Variants in NRP2 observed in about 807,000 individuals in gnomAD.
NRP2 encodes the protein neuropilin 2, also known as neuropilin-2.
A neutral mutation model predicts 110.4 loss-of-function variants in NRP2; 52 were observed. The observed-to-expected ratio is 0.47, with a 90% CI of 0.38 to 0.59. NRP2 has a LOEUF of 0.59. NRP2 is among the 20% of genes least tolerant of loss of function. The pLI is 0.00. For synonymous variants in NRP2, 508 were observed against 468.9 expected, an observed-to-expected ratio of 1.08 and a Z score of -1.08; for missense variants, 1,049 against 1,203.0, an observed-to-expected ratio of 0.87 and a Z score of 1.89.
At chr2:205,734,509 T>G (rs2057307270) in intron 7 of NRP2, among the ~76,000 whole-genome samples, 2 of 151,884 alleles carry the variant, frequency 1.3e-5, no homozygotes, top group South Asian at 4.2e-4. Flanking sequence ...TTTTTACGTG[T>G]AGACCCAATG....
chr2:205,752,644 G>A, intron 11 of NRP2, 191 bp from the exon 12 acceptor site: 1 of 619,012 alleles, frequency 1.6e-6, no homozygotes, highest in Non-Finnish European at 2.9e-6. Context: ...TTTCATGCCT[G>A]GGAAGGATGA....
chr2:205,700,577 C>T (rs2056531663), intron 2 of NRP2: 1 of 371,712 alleles, frequency 2.7e-6, no homozygotes, highest in Non-Finnish European at 5.4e-6. Flanking sequence ...TTATCCTGGG[C>T]TGTGGCCCCT....
intron 1 of NRP2, among the ~76,000 whole-genome samples, chr2:205,687,440 T>A (rs1575533286): frequency 2.9e-4 from 1 of 3,490 alleles, no homozygotes; most frequent in Admixed American, 8.2e-3. Flanking sequence ...CAGTAAACAT[T>A]TTTCCCCCGT....
chr2:205,754,119 T>A (rs2057695729), intron 12 of NRP2, among the ~76,000 whole-genome samples: 2 of 152,260 alleles, frequency 1.3e-5, no homozygotes, highest in Admixed American at 6.5e-5. Flanking sequence ...CTTTGAATTC[T>A]CCTGTACTTC....
rs774643777 is a variant in NRP2, at chr2:205,740,494, C to T, written c.1147-25C>T. On this transcript the variant is annotated intron_variant, in intron 7 of 16. Coordinates refer to ENST00000357785, the MANE Select transcript of NRP2 (RefSeq NM_003872.3). ...GAACTACAAACAGGGGTTTCAATAA[C>T]ATGGTTTTGCATCTTACGCTACAGG... 3.7e-6 allele frequency: 6 copies of T among 1,613,908 alleles called. No individual in the cohort carries two copies. The African/African-American group carries it at 5.3e-5, about 14-fold the overall frequency.
intron 2 of NRP2, among the ~76,000 whole-genome samples, chr2:205,707,475 G>C (rs913591491): frequency 4.6e-5 from 7 of 152,308 alleles, no homozygotes; most frequent in South Asian, 4.1e-4. Flanking sequence ...GAAGCTCCAA[G>C]TAAATGAACT....
At chr2:205,774,279 A>G (rs2058065544) in intron 15 of NRP2, among the ~76,000 whole-genome samples, 1 of 152,102 alleles carries the variant, frequency 6.6e-6, no homozygotes, top group Admixed American at 6.5e-5. Context: ...TCTATGCATA[A>G]TTTCCACCAT....
intron 9 of NRP2, among the ~76,000 whole-genome samples, chr2:205,744,628 C>T (rs777544384): frequency 6.6e-6 from 1 of 152,212 alleles, no homozygotes; most frequent in Non-Finnish European, 1.5e-5. Context: ...TGATTCTTAT[C>T]TCTAGTTACC....
At chr2:205,758,856 A>G (rs747873924) in intron 12 of NRP2, among the ~76,000 whole-genome samples, 4 of 152,230 alleles carry the variant, frequency 2.6e-5, no homozygotes, top group Non-Finnish European at 4.4e-5. Context: ...TGTCACGTTC[A>G]GGCGACCTCT....
chr2:205,721,887 T>C (rs149045287), intron 3 of NRP2, among the ~76,000 whole-genome samples: 52 of 152,228 alleles, frequency 3.4e-4, no homozygotes, highest in African/African-American at 1.2e-3. Context: ...CGTTTTAATA[T>C]AGTCATGACA....
chr2:205,684,137 G>A (rs919930512), intron 1 of NRP2, among the ~76,000 whole-genome samples: 1 of 152,244 alleles, frequency 6.6e-6, no homozygotes, highest in Non-Finnish European at 1.5e-5. Context: ...CAAAAAGGGT[G>A]TGTGGACAGG....
At chr2:205,685,571 G>T (rs1451741003) in intron 1 of NRP2, among the ~76,000 whole-genome samples, 1 of 152,210 alleles carries the variant, frequency 6.6e-6, no homozygotes, top group Non-Finnish European at 1.5e-5. Flanking sequence ...CGCGGCGCGC[G>T]GCACCTTGGG....
At chr2:205,688,752 C>T (rs778236529) in intron 1 of NRP2, among the ~76,000 whole-genome samples, 36 of 152,176 alleles carry the variant, frequency 2.4e-4, no homozygotes, top group Non-Finnish European at 4.6e-4. Flanking sequence ...GAAAATGCTA[C>T]TCCTATCCAG....
chr2:205,703,537 T>C (rs188307714), intron 2 of NRP2, among the ~76,000 whole-genome samples: 23 of 152,322 alleles, frequency 1.5e-4, no homozygotes, highest in Non-Finnish European at 3.1e-4. Context: ...GTTTTCAATC[T>C]CTGCTTTACT....
intron 4 of NRP2, 61 bp from the exon 5 acceptor site, chr2:205,723,724 G>A (rs1239957872): frequency 3.2e-6 from 5 of 1,567,676 alleles, no homozygotes; most frequent in Non-Finnish European, 3.5e-6. Context: ...AGGGAAAACG[G>A]AGTGAAAACC....
intron 3 of NRP2, among the ~76,000 whole-genome samples, chr2:205,720,772 A>G (rs563630840): frequency 4.4e-4 from 67 of 152,324 alleles, no homozygotes; most frequent in African/African-American, 1.4e-3. Context: ...CCGAAGCCCA[A>G]TCATAAACAA....
At chr2:205,754,731 T>C (rs2057705456) in intron 12 of NRP2, among the ~76,000 whole-genome samples, 1 of 152,162 alleles carries the variant, frequency 6.6e-6, no homozygotes, top group African/African-American at 2.4e-5. Flanking sequence ...AGAAGGTTTG[T>C]GGGGTCTGTG....
intron 2 of NRP2, among the ~76,000 whole-genome samples, chr2:205,698,713 G>A (rs1295040439): frequency 6.6e-6 from 1 of 152,212 alleles, no homozygotes; most frequent in Admixed American, 6.5e-5. Flanking sequence ...AAAAGAATGT[G>A]CCAACAGTCA....
At chr2:205,732,592 A>AGG (rs916683692) in intron 7 of NRP2, among the ~76,000 whole-genome samples, 32 of 152,208 alleles carry the variant, frequency 2.1e-4, no homozygotes, top group Non-Finnish European at 7.3e-5. Flanking sequence ...TGTAGATGGA[A>AGG]GGCTCTCCGC....
Sources: allele counts gnomAD v4.1 joint callset (sites outside exome capture counted in the v4.1 genomes callset), GRCh38; gene constraint gnomAD v4.1.1; transcripts MANE v1.5; gene names NCBI Gene and HGNC (gene_info 2026-07-23, HGNC 2026-07-21).